DTNA: variants seen among roughly 807,000 people sequenced by gnomAD.
The protein encoded by DTNA is dystrobrevin alpha.
DTNA carries 43 observed loss-of-function variants against 100.7 expected under a neutral mutation model. The ratio of observed to expected loss-of-function variants is 0.43; its 90% CI spans 0.33 to 0.55. DTNA has a LOEUF of 0.55. DTNA is among the 20% of genes least tolerant of loss of function. The pLI, the probability that DTNA is intolerant of heterozygous loss-of-function variation, is 0.04. For missense variants in DTNA, 798 were observed against 953.9 expected (o/e 0.84, Z 2.15); for synonymous variants, 349 against 347.9 (o/e 1.00, Z -0.04).
intron 1 of DTNA, among the ~76,000 whole-genome samples, chr18:34,732,806 T>C (rs2088618178): frequency 6.6e-6 from 1 of 152,176 alleles, no homozygotes; most frequent in African/African-American, 2.4e-5. Context: ...TTAGTGTAAG[T>C]GAGTCCTATT....
At chr18:34,591,807 A>T (rs2049758064) in intron 1 of DTNA, among the ~76,000 whole-genome samples, 1 of 152,226 alleles carries the variant, frequency 6.6e-6, no homozygotes, top group Non-Finnish European at 1.5e-5. Flanking sequence ...GACATCTAGT[A>T]ACAAAGTTAG....
At chr18:34,744,603 G>T (rs909302285) in intron 1 of DTNA, among the ~76,000 whole-genome samples, 1 of 152,170 alleles carries the variant, frequency 6.6e-6, no homozygotes, top group Admixed American at 6.5e-5. Context: ...AGCAGAGAAT[G>T]AGAGAATAAG....
At chr18:34,764,647 T>C (rs565620991) in intron 2 of DTNA, among the ~76,000 whole-genome samples, 1 of 152,234 alleles carries the variant, frequency 6.6e-6, no homozygotes. Flanking sequence ...TCGGTTTGAG[T>C]TGAAGAAATG....
chr18:34,678,764 T>C (rs567043651), intron 1 of DTNA, among the ~76,000 whole-genome samples: 4 of 152,120 alleles, frequency 2.6e-5, no homozygotes, highest in Non-Finnish European at 5.9e-5. Context: ...GTCTAGAGCT[T>C]GTCTCTTTCA....
At chr18:34,731,330 T>G (rs952254718) in intron 1 of DTNA, among the ~76,000 whole-genome samples, 2 of 148,612 alleles carry the variant, frequency 1.3e-5, no homozygotes, top group Non-Finnish European at 3.0e-5. Flanking sequence ...ATACAAAAAA[T>G]TAGCCGGGCG....
chr18:34,759,160 A>G (rs1363143934), intron 2 of DTNA, among the ~76,000 whole-genome samples: 1 of 152,110 alleles, frequency 6.6e-6, no homozygotes, highest in Non-Finnish European at 1.5e-5. Context: ...ATTAAAGCTG[A>G]AAAAAACAAA....
At chr18:34,704,402 A>G (rs1183015053) in intron 1 of DTNA, among the ~76,000 whole-genome samples, 2 of 152,220 alleles carry the variant, frequency 1.3e-5, no homozygotes, top group Non-Finnish European at 2.9e-5. Context: ...GATGTATTCC[A>G]AGTCCCTGAA....
chr18:34,548,510 C>A (rs1601718524), intron 1 of DTNA, among the ~76,000 whole-genome samples: 1 of 152,204 alleles, frequency 6.6e-6, no homozygotes, highest in Non-Finnish European at 1.5e-5. Context: ...CGAAGCATTT[C>A]TTTCAGCATT....
chr18:34,703,213 G>A (rs940504125), intron 1 of DTNA, among the ~76,000 whole-genome samples: 6 of 152,116 alleles, frequency 3.9e-5, no homozygotes, highest in African/African-American at 9.7e-5. Context: ...GATGTAGAGC[G>A]TTCCTACATG....
intron 1 of DTNA, among the ~76,000 whole-genome samples, chr18:34,583,338 C>G (rs1486974033): frequency 1.3e-5 from 2 of 152,034 alleles, no homozygotes. Context: ...TGGCCCCCAC[C>G]CCCAAACACA....
intron 9 of DTNA, 46 bp downstream of exon 9, chr18:34,820,961 G>T (rs772324733): frequency 1.9e-6 from 3 of 1,613,548 alleles, no homozygotes; most frequent in Non-Finnish European, 1.7e-6. Context: ...TTCTTCAAGG[G>T]CACATGTCTG....
chr18:34,823,782 A>C (rs1482398942), intron 9 of DTNA, among the ~76,000 whole-genome samples: 14 of 152,204 alleles, frequency 9.2e-5, no homozygotes, highest in Non-Finnish European at 2.1e-4. Flanking sequence ...TAGTGTCACA[A>C]AAATATCCCA....
At chr18:34,535,311 AT>A (rs1253749239) in intron 1 of DTNA, among the ~76,000 whole-genome samples, 5 of 151,814 alleles carry the variant, frequency 3.3e-5, no homozygotes, top group African/African-American at 1.2e-4. Flanking sequence ...GTCTGTTCAT[AT>A]TGTTTGCCCA....
Position 34,890,348 on chromosome 18 carries a change from G to A in DTNA, c.*2614G>A, listed in dbSNP as rs533052824. ...ACTCGAGCACCCCTGTCCTGTAAGC[G>A]AGACAAAATGGCGTGTGTTATTTTG... On this transcript the variant is annotated 3_prime_UTR_variant, in exon 23 of 23. Transcript: ENST00000444659. The A allele has an allele frequency of 6.5e-6, 10 of 1,536,106 alleles. No individual in the cohort carries two copies. In the East Asian group the frequency reaches 9.8e-5, roughly 15 times the overall value.
chr18:34,631,973 T>C (rs1437546773), intron 1 of DTNA, among the ~76,000 whole-genome samples: 1 of 152,224 alleles, frequency 6.6e-6, no homozygotes, highest in Non-Finnish European at 1.5e-5. Flanking sequence ...GCATACTACT[T>C]TGCACCATTC....
At chr18:34,615,424 A>G (rs1334772942) in intron 1 of DTNA, among the ~76,000 whole-genome samples, 1 of 152,166 alleles carries the variant, frequency 6.6e-6, no homozygotes, top group African/African-American at 2.4e-5. Flanking sequence ...TAAAATTGCC[A>G]TAGCCACCCT....
At chr18:34,847,005 T>C (rs2149844453) in intron 13 of DTNA, among the ~76,000 whole-genome samples, 1 of 152,292 alleles carries the variant, frequency 6.6e-6, no homozygotes, top group South Asian at 2.1e-4. Context: ...TGTTTATGAA[T>C]GAGAGGAACT....
intron 1 of DTNA, among the ~76,000 whole-genome samples, chr18:34,687,572 A>G (rs2079090043): frequency 1.3e-5 from 2 of 152,146 alleles, no homozygotes; most frequent in African/African-American, 4.8e-5. Flanking sequence ...TATGTGGTCA[A>G]TTTTAGAATA....
chr18:34,606,155 ATAAC>A (rs1223413354), intron 1 of DTNA, among the ~76,000 whole-genome samples: 1 of 152,242 alleles, frequency 6.6e-6, no homozygotes, highest in African/African-American at 2.4e-5. Flanking sequence ...TACTGAGTAA[ATAAC>A]TGGGTATTTG....
Sources: gnomAD v4.1 joint callset for allele counts (sites outside exome capture counted in the v4.1 genomes callset) on GRCh38, gnomAD v4.1.1 for gene constraint, MANE v1.5 for transcripts, NCBI Gene and HGNC (gene_info 2026-07-23, HGNC 2026-07-21) for gene names.